Variants in PAFAH1B1 observed in about 807,000 individuals in gnomAD.
The protein encoded by PAFAH1B1 is platelet-activating factor acetylhydrolase IB subunit beta.
A neutral mutation model predicts 57.5 loss-of-function variants in PAFAH1B1; 2 were observed. The observed-to-expected ratio is 0.03, with a 90% CI of 0.01 to 0.11. The LOEUF is 0.11. PAFAH1B1 is among the 10% of genes least tolerant of loss of function. The pLI, the probability that PAFAH1B1 is intolerant of heterozygous loss-of-function variation, is 1.00. For synonymous variants in PAFAH1B1, 152 were observed against 169.6 expected (o/e 0.90, Z 0.81); for missense variants, 257 against 512.0 (o/e 0.50, Z 4.81).
upstream of PAFAH1B1, among the ~76,000 whole-genome samples, chr17:2,593,590 G>GGGCGGCGGCGGC (rs552674446): frequency 0.011 from 1,668 of 148,764 alleles, 36 homozygotes; most frequent in Admixed American, 0.055. Context: ...GGCGGGTCTG[G>GGGCGGCGGCGGC]GGCGGCGGCG....
chr17:2,667,027 A>G lies in PAFAH1B1; in HGVS notation c.228A>G (p.Lys76=), dbSNP rs760096506. Residue 76 remains lysine, a synonymous_variant, in exon 5 of 11, where the codon AAA becomes AAG. Transcript: ENST00000397195. The stretch of plus-strand genomic sequence containing the variant: ...TAGAATCAAAGCTAAATGAAGCAAA[A>G]GAAGAATTTACGTCAGGTGGACCTC... ...MELESKLNEA[K]EEFTSGGPLG... 1 of 1,613,988 alleles carries G rather than the reference A, an allele frequency of 6.2e-7. No homozygotes were observed. Among genetic ancestry groups the G allele is most frequent in the Non-Finnish European group, 8.5e-7 (1 of 1,179,846 alleles).
chr17:2,621,635 T>G lies in PAFAH1B1; in HGVS notation c.-190-16464T>G, dbSNP rs973849947. On this transcript the variant is annotated intron_variant, in intron 1 of 10. Coordinates refer to ENST00000397195, the MANE Select transcript of PAFAH1B1 (RefSeq NM_000430.4). ...TTTTTTTTTTTTTTTTTTTTTTTTT[T>G]TTTTTTTTGAGACAGGGTCACCCTC... 5.8e-4 allele frequency among the ~76,000 whole-genome samples: 46 copies of G among 78,838 alleles called. 3 individuals carry two copies. Among genetic ancestry groups the G allele is most frequent in the African/African-American group, 2.1e-3 (43 of 20,578 alleles). 51.7% of individuals were successfully genotyped at this position (78,838 alleles called of 152,430 possible).
intron 2 of PAFAH1B1, among the ~76,000 whole-genome samples, chr17:2,657,920 T>C (rs532142110): frequency 1.3e-5 from 2 of 152,332 alleles, no homozygotes; most frequent in Non-Finnish European, 2.9e-5. Flanking sequence ...TTGCTTTACA[T>C]TTTAAAAATA....
chr17:2,621,774 A>T (rs1282317433), intron 1 of PAFAH1B1, among the ~76,000 whole-genome samples: 3 of 151,952 alleles, frequency 2.0e-5, no homozygotes, highest in Non-Finnish European at 4.4e-5. Flanking sequence ...GGCGTGCGCC[A>T]CTATGTCCAG....
intron 8 of PAFAH1B1, 35 bp downstream of exon 8, chr17:2,674,323 G>A (rs762587840): frequency 5.4e-6 from 8 of 1,480,000 alleles, no homozygotes; most frequent in Non-Finnish European, 7.6e-6. Flanking sequence ...TGGTTTTATT[G>A]CTGATATCTG....
chr17:2,664,871 G>C (rs1462109465), intron 2 of PAFAH1B1, among the ~76,000 whole-genome samples: 1 of 152,038 alleles, frequency 6.6e-6, no homozygotes, highest in East Asian at 1.9e-4. Flanking sequence ...CTGTATGATT[G>C]CTTTTTTTCA....
chr17:2,670,071 A>C, intron 5 of PAFAH1B1, 92 bp from the exon 6 acceptor site: 1 of 978,376 alleles, frequency 1.0e-6, no homozygotes, highest in Non-Finnish European at 1.7e-6. Context: ...TTAGTTACTC[A>C]GTAAGGTGCC....
intron 8 of PAFAH1B1, 154 bp from the exon 9 acceptor site, chr17:2,676,351 C>T (rs1398878779): frequency 1.6e-6 from 1 of 620,330 alleles, no homozygotes. Flanking sequence ...GTACTCCAGC[C>T]TGGGTGACAG....
chr17:2,638,046 T>C (rs2068645566), intron 1 of PAFAH1B1, 53 bp from the exon 2 acceptor site: 3 of 487,228 alleles, frequency 6.2e-6, no homozygotes, highest in Non-Finnish European at 1.1e-5. Flanking sequence ...ACTAATAATT[T>C]AGAAATAAAT....
intron 2 of PAFAH1B1, among the ~76,000 whole-genome samples, chr17:2,655,763 G>A (rs1419068090): frequency 6.6e-6 from 1 of 151,302 alleles, no homozygotes; most frequent in Admixed American, 6.6e-5. Context: ...TTACAATGTC[G>A]TCACATTACC....
At chr17:2,665,926 T>C in intron 3 of PAFAH1B1, 90 bp from the exon 4 acceptor site, 2 of 1,241,632 alleles carry the variant, frequency 1.6e-6, no homozygotes, top group Non-Finnish European at 2.2e-6. Context: ...ATCAGATTTT[T>C]AGTAATATTT....
Position 2,607,873 on chromosome 17 carries a change from C to T in PAFAH1B1, c.-191+13867C>T, listed in dbSNP as rs780216272. On this transcript the variant is annotated intron_variant, in intron 1 of 10. Coordinates refer to ENST00000397195, the MANE Select transcript of PAFAH1B1 (RefSeq NM_000430.4). The stretch of plus-strand genomic sequence containing the variant: ...CTCCTAAATGTTGTATATAGCCCTT[C>T]GTTCCATATTTTTATGCATTTACTA... Among the ~76,000 whole-genome samples the T allele has an allele frequency of 5.3e-5, 8 of 152,056 alleles. No individual in the cohort carries two copies. In the East Asian group the frequency reaches 7.7e-4, roughly 15 times the overall value.
At chr17:2,596,587 C>T (rs2068086107) in intron 1 of PAFAH1B1, among the ~76,000 whole-genome samples, 1 of 152,066 alleles carries the variant, frequency 6.6e-6, no homozygotes. Context: ...GTAAATGTGA[C>T]TTTGATTAGC....
At chr17:2,596,971 G>A (rs990334892) in intron 1 of PAFAH1B1, among the ~76,000 whole-genome samples, 1 of 152,156 alleles carries the variant, frequency 6.6e-6, no homozygotes, top group African/African-American at 2.4e-5. Context: ...TGAGACAGGA[G>A]AATAGATTGA....
At chr17:2,681,288 A>G (rs2069381028) in intron 10 of PAFAH1B1, 1 of 154,232 alleles carries the variant, frequency 6.5e-6, no homozygotes, top group Non-Finnish European at 1.4e-5. Flanking sequence ...CCAAAGAGGA[A>G]CAGGCGTTTT....
intron 9 of PAFAH1B1, among the ~76,000 whole-genome samples, chr17:2,678,520 C>T (rs981364014): frequency 6.6e-6 from 1 of 151,738 alleles, no homozygotes; most frequent in African/African-American, 2.4e-5. Flanking sequence ...GAGCCGAGAT[C>T]GCACCATTGC....
intron 7 of PAFAH1B1, among the ~76,000 whole-genome samples, chr17:2,673,456 G>T (rs557150406): frequency 3.9e-4 from 60 of 152,094 alleles, no homozygotes; most frequent in African/African-American, 1.4e-3. Context: ...TGGCTAACAC[G>T]ATGAAACCCC....
At chr17:2,593,614 C>T (rs1243707279), upstream of PAFAH1B1, 1 of 220,726 alleles carries the variant, frequency 4.5e-6, no homozygotes, top group Non-Finnish European at 8.8e-6. Flanking sequence ...GCGGCGGCGG[C>T]GGCGCGGTGA....
In PAFAH1B1 at chr17:2,666,985, T is replaced by G. The variant is rs529421112; in HGVS notation, c.193-7T>G. On this transcript the variant is annotated splice_polypyrimidine_tract_variant and splice_region_variant and intron_variant, in intron 4 of 10. Transcript: ENST00000397195. Reference sequence around the variant, plus strand: ...TATCTGTACGTAACTACATGTTCTTTTTCAAGGTTATGGAATTAGAATCAA... The same window carrying G: ...TATCTGTACGTAACTACATGTTCTTGTTCAAGGTTATGGAATTAGAATCAA... 6.2e-7 allele frequency: 1 copy of G among 1,605,354 alleles called. No individual in the cohort carries two copies. The highest frequency in any genetic ancestry group is 1.7e-5 in the Admixed American group (1 of 59,980).
Sources: allele counts gnomAD v4.1 joint callset (sites outside exome capture counted in the v4.1 genomes callset), GRCh38; gene constraint gnomAD v4.1.1; transcripts MANE v1.5; gene names NCBI Gene and HGNC (gene_info 2026-07-23, HGNC 2026-07-21).